The following NUMB variants were observed in gnomAD, a reference collection of about 807,000 sequenced individuals.
NUMB encodes protein numb homolog.
Under a neutral mutation model 59.7 loss-of-function variants are expected in NUMB, and 29 were observed. That is an observed-to-expected ratio of 0.49 (90% confidence interval 0.36 to 0.66). The LOEUF (loss-of-function observed/expected upper bound fraction) is 0.66, where lower values mean the gene tolerates loss of function less well. Among genes scored for constraint, NUMB ranks in the 30% least tolerant of loss-of-function variants. NUMB has a pLI of 0.00. For missense variants in NUMB, 723 were observed against 822.0 expected (o/e 0.88, Z 1.47); for synonymous variants, 288 against 288.2 (o/e 1.00, Z 0.01).
chr14:73,320,085 T>C (rs1340963663), intron 5 of NUMB, among the ~76,000 whole-genome samples: 1 of 151,884 alleles, frequency 6.6e-6, no homozygotes, highest in East Asian at 1.9e-4. Context: ...TGAGCCAAGA[T>C]CACACCACTG....
intron 6 of NUMB, among the ~76,000 whole-genome samples, chr14:73,302,430 C>A (rs1246325687): frequency 7.9e-6 from 1 of 126,344 alleles, no homozygotes; most frequent in African/African-American, 3.1e-5. Context: ...TTTTTTGAGA[C>A]GAGTCTTACT....
In NUMB at chr14:73,275,593, C is replaced by G. The variant is rs1212607299; in HGVS notation, c.*985G>C. 1 of 152,038 alleles carries G rather than the reference C, an allele frequency of 6.6e-6. No homozygotes were observed. The highest frequency in any genetic ancestry group is 2.4e-5 in the African/African-American group (1 of 41,394). The allele number at this position is 152,038 out of a possible 1,614,324, so 9.4% of individuals were successfully genotyped here. ...TTAAAGGATTAACATAAGGAAACTGCAGCAATATATAAAAGATATATTCTC... is the reference window on the plus strand; with the variant it reads ...TTAAAGGATTAACATAAGGAAACTGGAGCAATATATAAAAGATATATTCTC... On this transcript the variant is annotated 3_prime_UTR_variant, in exon 13 of 13. Transcript: ENST00000555238.
At chr14:73,369,224 G>T (rs1181654378) in intron 2 of NUMB, among the ~76,000 whole-genome samples, 1 of 151,976 alleles carries the variant, frequency 6.6e-6, no homozygotes, top group Non-Finnish European at 1.5e-5. Context: ...TGTATTTTTA[G>T]TAGAGACAGG....
chr14:73,339,927 G>C (rs1252477409), intron 4 of NUMB, among the ~76,000 whole-genome samples: 1 of 151,970 alleles, frequency 6.6e-6, no homozygotes, highest in East Asian at 1.9e-4. Context: ...TGCTGGCCTG[G>C]GGAAGTTGGT....
At chr14:73,301,555 A>G (rs1890130031) in intron 6 of NUMB, among the ~76,000 whole-genome samples, 1 of 151,894 alleles carries the variant, frequency 6.6e-6, no homozygotes, top group South Asian at 2.1e-4. Context: ...CTCCCACTTC[A>G]GCCTCCCCAG....
intron 1 of NUMB, among the ~76,000 whole-genome samples, chr14:73,440,567 CA>C (rs1333982448): frequency 6.6e-6 from 1 of 151,724 alleles, no homozygotes; most frequent in Non-Finnish European, 1.5e-5. Context: ...ACAAATCGGC[CA>C]GGGGAGGTGA....
intron 2 of NUMB, among the ~76,000 whole-genome samples, chr14:73,408,204 G>C (rs1370350667): frequency 6.7e-6 from 1 of 149,992 alleles, no homozygotes; most frequent in Non-Finnish European, 1.5e-5. Context: ...TCCAGCCTGG[G>C]CGACAGAGCA....
intron 4 of NUMB, among the ~76,000 whole-genome samples, chr14:73,346,428 C>T (rs924901724): frequency 6.7e-6 from 1 of 150,232 alleles, no homozygotes; most frequent in South Asian, 2.1e-4. Flanking sequence ...TGCGGTGAAC[C>T]GAGACTGCAC....
intron 1 of NUMB, among the ~76,000 whole-genome samples, chr14:73,452,010 A>G (rs1884013450): frequency 6.6e-6 from 1 of 151,904 alleles, no homozygotes; most frequent in Admixed American, 6.6e-5. Context: ...TAATCCCAAC[A>G]CTTTGGGAGG....
intron 1 of NUMB, among the ~76,000 whole-genome samples, chr14:73,452,586 G>T (rs771522930): frequency 6.6e-6 from 1 of 152,178 alleles, no homozygotes; most frequent in African/African-American, 2.4e-5. Context: ...TGGGTAGAGA[G>T]GGGGAAGTCA....
At chr14:73,440,827 CAAAAAAAAAAAAA>C (rs397713746) in intron 1 of NUMB, among the ~76,000 whole-genome samples, 1 of 47,820 alleles carries the variant, frequency 2.1e-5, no homozygotes, top group Non-Finnish European at 4.3e-5. Context: ...GACTCCGTCT[CAAAAAAAAAAAAA>C]AAAAAAAAAA....
chr14:73,413,300 T>C (rs1595008814), intron 1 of NUMB, among the ~76,000 whole-genome samples: 1 of 150,008 alleles, frequency 6.7e-6, no homozygotes, highest in Admixed American at 6.6e-5. Context: ...TTGGCCAGGC[T>C]GGTCTTTAAC....
intron 4 of NUMB, among the ~76,000 whole-genome samples, chr14:73,351,868 C>T (rs1489032052): frequency 4.6e-5 from 7 of 151,646 alleles, no homozygotes; most frequent in South Asian, 4.2e-4. Context: ...CCCAGCTACT[C>T]GGGAGGCTGA....
intron 1 of NUMB, among the ~76,000 whole-genome samples, chr14:73,436,703 G>A (rs566532482): frequency 4.6e-5 from 7 of 151,936 alleles, no homozygotes; most frequent in South Asian, 2.1e-4. Flanking sequence ...ACTCTTGGCC[G>A]GGCGCGGTGG....
At chr14:73,354,596 C>T (rs1344784880) in intron 4 of NUMB, among the ~76,000 whole-genome samples, 1 of 150,528 alleles carries the variant, frequency 6.6e-6, no homozygotes, top group Non-Finnish European at 1.5e-5. Context: ...GGGGCTGAGG[C>T]GGGAGGATCG....
intron 2 of NUMB, among the ~76,000 whole-genome samples, chr14:73,368,292 C>A (rs978453034): frequency 6.6e-6 from 1 of 151,862 alleles, no homozygotes; most frequent in Non-Finnish European, 1.5e-5. Flanking sequence ...CACAGCAATT[C>A]GGGCCGGGCA....
intron 2 of NUMB, among the ~76,000 whole-genome samples, chr14:73,404,694 T>C (rs1282920109): frequency 6.6e-6 from 1 of 152,234 alleles, no homozygotes; most frequent in Non-Finnish European, 1.5e-5. Context: ...ACTACAGCTA[T>C]GTAACTTGGT....
chr14:73,356,654 A>G (rs1893799962), intron 3 of NUMB, among the ~76,000 whole-genome samples: 1 of 152,110 alleles, frequency 6.6e-6, no homozygotes, highest in African/African-American at 2.4e-5. Context: ...ATAAATAAGC[A>G]CACTTAAAGA....
chr14:73,373,944 C>T (rs1440851327), intron 2 of NUMB, among the ~76,000 whole-genome samples: 2 of 151,486 alleles, frequency 1.3e-5, no homozygotes, highest in East Asian at 3.9e-4. Flanking sequence ...TCTCGGCTCA[C>T]TTCAACTTCC....
Sources: allele counts gnomAD v4.1 joint callset (sites outside exome capture counted in the v4.1 genomes callset), GRCh38; gene constraint gnomAD v4.1.1; transcripts MANE v1.5; gene names NCBI Gene and HGNC (gene_info 2026-07-23, HGNC 2026-07-21).